Variants in ANO6 observed in about 807,000 individuals in gnomAD.
ANO6 encodes the protein anoctamin 6, also known as anoctamin-6.
ANO6 carries 106 observed loss-of-function variants against 117.5 expected under a neutral mutation model. The ratio of observed to expected loss-of-function variants is 0.90; its 90% confidence interval spans 0.77 to 1.06. The LOEUF is 1.06. Among genes scored for constraint, ANO6 ranks in the 50% least tolerant of loss-of-function variants. ANO6 has a pLI of 0.00. For missense variants in ANO6, 955 were observed against 1,121.1 expected, an observed-to-expected ratio of 0.85 and a Z score of 2.12; for synonymous variants, 367 against 385.1, an observed-to-expected ratio of 0.95 and a Z score of 0.55.
At chr12:45,393,029 C>T (rs750206956) in intron 12 of ANO6, among the ~76,000 whole-genome samples, 13 of 152,258 alleles carry the variant, frequency 8.5e-5, no homozygotes, top group Non-Finnish European at 1.8e-4. Context: ...TTCAGAAGGT[C>T]GGTAATAACA....
At chr12:45,283,608 T>C (rs1007905342) in intron 1 of ANO6, among the ~76,000 whole-genome samples, 2 of 152,256 alleles carry the variant, frequency 1.3e-5, no homozygotes, top group South Asian at 2.1e-4. Flanking sequence ...ATCTATTTTT[T>C]CTACTCTGTC....
At chr12:45,390,184 G>A (rs1361342326) in intron 11 of ANO6, among the ~76,000 whole-genome samples, 2 of 152,166 alleles carry the variant, frequency 1.3e-5, no homozygotes, top group Non-Finnish European at 2.9e-5. Flanking sequence ...GGTCGTGGCC[G>A]ATAAACAGTT....
At chr12:45,322,293 A>ATAGGTGGTAAAGAG (rs113007412) in intron 2 of ANO6, among the ~76,000 whole-genome samples, 3 of 151,098 alleles carry the variant, frequency 2.0e-5, no homozygotes, top group African/African-American at 7.3e-5. Context: ...TAAGATTTGG[A>ATAGGTGGTAAAGAG]TAGGTGGTTA....
intron 1 of ANO6, among the ~76,000 whole-genome samples, chr12:45,300,076 C>T (rs1306430340): frequency 6.6e-6 from 1 of 152,114 alleles, no homozygotes; most frequent in East Asian, 1.9e-4. Context: ...GGAACCCAGC[C>T]TTCTCTTCTA....
chr12:45,368,458 G>A (rs758146006), intron 9 of ANO6, among the ~76,000 whole-genome samples: 1 of 152,196 alleles, frequency 6.6e-6, no homozygotes, highest in Non-Finnish European at 1.5e-5. Context: ...CATGAGAAGG[G>A]TTTTATATGT....
chr12:45,288,322 C>G (rs1486430861), intron 1 of ANO6, among the ~76,000 whole-genome samples: 1 of 152,130 alleles, frequency 6.6e-6, no homozygotes, highest in Non-Finnish European at 1.5e-5. Context: ...GTTGTGCAAC[C>G]ATCACCACCA....
chr12:45,337,582 T>C (rs1940862820), intron 3 of ANO6, among the ~76,000 whole-genome samples: 2 of 152,094 alleles, frequency 1.3e-5, no homozygotes, highest in African/African-American at 4.8e-5. Context: ...GCTTACATAT[T>C]GAGTGTAAAA....
At chr12:45,346,843 T>C (rs900655592) in intron 3 of ANO6, among the ~76,000 whole-genome samples, 179 bp from the exon 4 acceptor site, 11 of 152,228 alleles carry the variant, frequency 7.2e-5, no homozygotes, top group Admixed American at 6.5e-5. Context: ...AACACTTACA[T>C]GTCACCAGCA....
At chr12:45,325,051 G>T (rs937748601) in intron 2 of ANO6, among the ~76,000 whole-genome samples, 4 of 144,796 alleles carry the variant, frequency 2.8e-5, no homozygotes, top group African/African-American at 9.8e-5. Context: ...ATATAATTAA[G>T]AAGAATCAGA....
At chr12:45,256,214 T>C (rs1937822503) in intron 1 of ANO6, among the ~76,000 whole-genome samples, 1 of 152,134 alleles carries the variant, frequency 6.6e-6, no homozygotes, top group Non-Finnish European at 1.5e-5. Flanking sequence ...AACACATGGG[T>C]AGACACTGTT....
intron 12 of ANO6, among the ~76,000 whole-genome samples, chr12:45,392,367 C>G (rs1205678269): frequency 3.3e-5 from 5 of 152,172 alleles, no homozygotes; most frequent in African/African-American, 1.2e-4. Flanking sequence ...CTGGGCAGAG[C>G]CCACCGCAGC....
chr12:45,251,918 A>G (rs923508932), intron 1 of ANO6, among the ~76,000 whole-genome samples: 14 of 152,286 alleles, frequency 9.2e-5, no homozygotes, highest in Admixed American at 2.0e-4. Flanking sequence ...ATAACACCCT[A>G]TACTCTATTC....
chr12:45,422,932 C>T (rs1462232499), intron 18 of ANO6, 25 bp from the exon 19 acceptor site: 2 of 1,521,298 alleles, frequency 1.3e-6, no homozygotes, highest in Non-Finnish European at 1.8e-6. Flanking sequence ...ATTTGTCTCC[C>T]AATATGTCTC....
At chr12:45,384,060 C>G (rs933008766) in intron 10 of ANO6, among the ~76,000 whole-genome samples, 1 of 152,226 alleles carries the variant, frequency 6.6e-6, no homozygotes, top group African/African-American at 2.4e-5. Flanking sequence ...TTCTGAATAA[C>G]TTGCTGCCAG....
At position 45,388,195 on chromosome 12, in the gene ANO6, G is replaced by A. The variant is rs376926892; in HGVS notation, c.1200G>A (p.Gln400=). The part of the protein sequence containing the change: ...TLFLEFWKRR[Q]AELEYEWDTV... ...TTTTGGAGTTTTGGAAGCGACGCCA[G>A]GCAGAACTTGAGTATGAATGGGATA... is the stretch of plus-strand genomic sequence containing the variant. The change falls in exon 11 of 20, where the codon CAG becomes CAA. Residue 400 remains glutamine (Q), a synonymous_variant. Transcript: ENST00000320560. 1.9e-6 allele frequency: 3 copies of A among 1,613,898 alleles called. No homozygotes were observed. The highest frequency in any genetic ancestry group is 1.3e-5 in the African/African-American group (1 of 74,900).
intron 1 of ANO6, among the ~76,000 whole-genome samples, chr12:45,240,351 A>ATTTTTTTTTTTTTT (rs57126852): frequency 2.6e-4 from 8 of 30,738 alleles, no homozygotes; most frequent in Non-Finnish European, 5.2e-4. Context: ...GCAACCCCTG[A>ATTTTTTTTTTTTTT]TTTTTTTTTT....
chr12:45,226,984 C>CT (rs906373347), intron 1 of ANO6, among the ~76,000 whole-genome samples: 2,556 of 112,738 alleles, frequency 0.023, 38 homozygotes, highest in Non-Finnish European at 0.026. Context: ...TTATCATTTT[C>CT]TTTTTTTTTT....
In ANO6 at chr12:45,388,309, C is replaced by G; in HGVS notation, c.1308+6C>G. On this transcript the variant is annotated splice_donor_region_variant and intron_variant, in intron 11 of 19. Coordinates refer to ENST00000320560, the MANE Select transcript of ANO6 (RefSeq NM_001025356.3). Reference sequence around the variant, plus strand: ...TGATAAATGAGATTACTCAGGTAAGCAGGGTCGTATTTAGGTGCAGTTTAA... The same window carrying G: ...TGATAAATGAGATTACTCAGGTAAGGAGGGTCGTATTTAGGTGCAGTTTAA... 6.2e-7 allele frequency: 1 copy of G among 1,613,844 alleles called. No individual in the cohort carries two copies. Among genetic ancestry groups the G allele is most frequent in the Non-Finnish European group, 8.5e-7 (1 of 1,179,796 alleles).
At chr12:45,351,764 A>G (rs978945586) in intron 7 of ANO6, among the ~76,000 whole-genome samples, 1 of 152,202 alleles carries the variant, frequency 6.6e-6, no homozygotes, top group Non-Finnish European at 1.5e-5. Context: ...TGAGAAACAG[A>G]GCAAGACATG....
Sources: allele counts gnomAD v4.1 joint callset (sites outside exome capture counted in the v4.1 genomes callset), GRCh38; gene constraint gnomAD v4.1.1; transcripts MANE v1.5; gene names NCBI Gene and HGNC (gene_info 2026-07-23, HGNC 2026-07-21).